Variants in C6orf132 observed in about 807,000 individuals in gnomAD.
C6orf132 encodes chromosome 6 open reading frame 132, also known as uncharacterized protein C6orf132.
In C6orf132, 43 loss-of-function variants were observed where a neutral mutation model predicts 65.3. That is an observed-to-expected ratio of 0.66 (90% CI 0.52 to 0.85). The LOEUF is 0.85. Among genes scored for constraint, C6orf132 ranks in the 40% least tolerant of loss-of-function variants. The pLI, the probability that C6orf132 is intolerant of heterozygous loss-of-function variation, is 0.00. For synonymous variants in C6orf132, 631 were observed against 654.1 expected (o/e 0.96, Z 0.54); for missense variants, 1,488 against 1,548.8 (o/e 0.96, Z 0.66).
At chr6:42,118,790 G>A (rs565622256) in intron 2 of C6orf132, among the ~76,000 whole-genome samples, 8 of 151,516 alleles carry the variant, frequency 5.3e-5, no homozygotes, top group Admixed American at 5.3e-4. Flanking sequence ...ACACCCAGAA[G>A]CTAAGACCAT....
intron 1 of C6orf132, among the ~76,000 whole-genome samples, chr6:42,129,928 C>T (rs1766825896): frequency 6.6e-6 from 1 of 152,214 alleles, no homozygotes; most frequent in African/African-American, 2.4e-5. Context: ...GCAAGAAAGC[C>T]AAATGATTTA....
chr6:42,128,659 GA>G lies in C6orf132; in HGVS notation c.252+12del, dbSNP rs1766804526. 6.5e-7 allele frequency: 1 copy of G among 1,547,332 alleles called. No individual in the cohort carries two copies. The highest frequency in any genetic ancestry group is 8.7e-7 in the Non-Finnish European group (1 of 1,143,948). On this transcript the variant is annotated intron_variant, in intron 2 of 4. Coordinates refer to ENST00000341865, the MANE Select transcript of C6orf132 (RefSeq NM_001164446.3). ...GAGCAGACTCTCCAACCTCAGAGCA[GA>G]ACCGTACTCACCAGCGGAAGGAAGG... is the stretch of plus-strand genomic sequence containing the variant.
In C6orf132 at chr6:42,106,358, C is replaced by T; in HGVS notation, c.1554G>A (p.Leu518=). Residue 518 remains leucine, a synonymous_variant, in exon 4 of 5, where the codon CTG becomes CTA. Transcript: ENST00000341865. ...RLPEKETLLS[L]PAKDTPPGVP... Reference sequence around the variant, plus strand: ...CACCTGGGGGAGTGTCCTTTGCTGGCAGGCTCAGGAGAGTCTCCTTCTCAG... The same window carrying T: ...CACCTGGGGGAGTGTCCTTTGCTGGTAGGCTCAGGAGAGTCTCCTTCTCAG... 6.5e-7 allele frequency: 1 copy of T among 1,536,482 alleles called. No individual in the cohort carries two copies. Among genetic ancestry groups the T allele is most frequent in the Non-Finnish European group, 8.7e-7 (1 of 1,146,818 alleles).
intron 1 of C6orf132, among the ~76,000 whole-genome samples, chr6:42,139,857 G>T (rs1283643695): frequency 6.6e-6 from 1 of 152,142 alleles, no homozygotes; most frequent in Admixed American, 6.5e-5. Context: ...CATAAATACC[G>T]CTTCAGGCAG....
intron 2 of C6orf132, among the ~76,000 whole-genome samples, chr6:42,121,559 C>T (rs1203151232): frequency 6.6e-6 from 1 of 152,238 alleles, no homozygotes; most frequent in Non-Finnish European, 1.5e-5. Context: ...GGGACACACA[C>T]ATCCTCATGC....
chr6:42,110,152 T>C, intron 3 of C6orf132, 64 bp downstream of exon 3: 1 of 1,360,088 alleles, frequency 7.4e-7, no homozygotes, highest in East Asian at 2.6e-5. Flanking sequence ...GATGCTTAGC[T>C]TTTGAACTCA....
intron 2 of C6orf132, among the ~76,000 whole-genome samples, chr6:42,116,848 G>A (rs1766587291): frequency 6.6e-6 from 1 of 152,004 alleles, no homozygotes; most frequent in East Asian, 1.9e-4. Context: ...GTCCTCAGTG[G>A]GGCACAAAAA....
In C6orf132 at chr6:42,104,410, G is replaced by GCCTGGCTTTCCACCCCT; in HGVS notation, c.3449+36_3449+52dup. The GCCTGGCTTTCCACCCCT allele has an allele frequency of 8.1e-7, 1 of 1,228,306 alleles. No individual in the cohort carries two copies. Among genetic ancestry groups the GCCTGGCTTTCCACCCCT allele is most frequent in the Non-Finnish European group, 1.0e-6 (1 of 985,970 alleles). 76.1% of individuals were successfully genotyped at this position (1,228,306 alleles called of 1,614,324 possible). A position where few individuals can be genotyped will look rare whatever the true frequency, so the allele number is the denominator to read the frequency against. ...GGATGGCCGGGACTCCTTGGCCCTC[G>GCCTGGCTTTCCACCCCT]CCTGGCTTTCCACCCCTCCTGGCTT... On this transcript the variant is annotated intron_variant, in intron 4 of 4. Coordinates refer to ENST00000341865, the MANE Select transcript of C6orf132 (RefSeq NM_001164446.3). This position sits in a 1 kb window ranked among gnomAD's most constrained non-coding sequence, Gnocchi z 4.1.
rs998835630 is a variant in C6orf132, at chr6:42,106,141, G to C, written c.1771C>G (p.Pro591Ala). 17 of 1,537,252 alleles carry C rather than the reference G, an allele frequency of 1.1e-5. No homozygotes were observed. The Admixed American group carries it at 2.0e-4, about 18-fold the overall frequency. ...EAKPSIGSLP[P>A]KPRLEGGRIC... ...CTTCCCCCTTCTAGCCGAGGCTTAG[G>C]GGGCAGAGATCCTATGCTGGGCTTA... The change falls in exon 4 of 5, where the codon CCT becomes GCT. Residue 591 changes from proline (P) to alanine (A), a missense_variant. Coordinates refer to ENST00000341865, the MANE Select transcript of C6orf132 (RefSeq NM_001164446.3).
intron 1 of C6orf132, among the ~76,000 whole-genome samples, chr6:42,134,211 C>T (rs1276869492): frequency 6.6e-6 from 1 of 152,178 alleles, no homozygotes; most frequent in Non-Finnish European, 1.5e-5. Context: ...GTTCCAGTTC[C>T]GGCTCCAACA....
Position 42,104,034 on chromosome 6 carries a change from A to AC in C6orf132, c.3450-157dup, listed in dbSNP as rs140047967. ...TATCGACCCCAGGGAGGGACCGCAG[A>AC]CATCACAAACAGGGCTCCCATTCTG... is the stretch of plus-strand genomic sequence containing the variant. On this transcript the variant is annotated intron_variant, in intron 4 of 4. Transcript: ENST00000341865. This position sits in a 1 kb window ranked among gnomAD's most constrained non-coding sequence, Gnocchi z 4.1. 0.016 allele frequency among the ~76,000 whole-genome samples: 2,386 copies of AC among 152,300 alleles called. 70 individuals carry two copies. Among genetic ancestry groups the AC allele is most frequent in the African/African-American group, 0.055 (2,276 of 41,560 alleles).
At chr6:42,128,059 G>A (rs1410888513) in intron 2 of C6orf132, among the ~76,000 whole-genome samples, 2 of 151,458 alleles carry the variant, frequency 1.3e-5, no homozygotes, top group Admixed American at 6.6e-5. Context: ...CGAGTAGCTG[G>A]GACTACAGGT....
At chr6:42,142,154 C>T in intron 1 of C6orf132, 146 bp downstream of exon 1, 2 of 895,428 alleles carry the variant, frequency 2.2e-6, no homozygotes, top group South Asian at 1.7e-5. Context: ...TGTGCGGTGC[C>T]TCCTCCCCTG....
intron 1 of C6orf132, among the ~76,000 whole-genome samples, chr6:42,131,298 G>T (rs948307116): frequency 7.9e-5 from 12 of 152,246 alleles, no homozygotes; most frequent in Non-Finnish European, 1.6e-4. Context: ...TGGGATTACA[G>T]GTGTGTACCA....
chr6:42,106,495 C>G lies in C6orf132; in HGVS notation c.1417G>C (p.Glu473Gln). The G allele has an allele frequency of 1.3e-6, 2 of 1,535,224 alleles. No homozygotes were observed. The highest frequency in any genetic ancestry group is 1.7e-6 in the Non-Finnish European group (2 of 1,146,254). The change falls in exon 4 of 5, where the codon GAG (glutamate) becomes CAG (glutamine). Residue 473 changes from glutamate (E) to glutamine (Q), a missense_variant. By Grantham distance (29) the Glu-to-Gln change is conservative (BLOSUM62 2). Transcript: ENST00000341865. ...GAGCCACAGAGATAGGCTGCCAGCTCGTTCCGCAGCTTTTCCATCTGGCTG... is the reference window on the plus strand; with the variant it reads ...GAGCCACAGAGATAGGCTGCCAGCTGGTTCCGCAGCTTTTCCATCTGGCTG... ...DPSQMEKLRNELAAYLCGSRR... is the reference protein window; with the variant it reads ...DPSQMEKLRNQLAAYLCGSRR...
In C6orf132 at chr6:42,106,985, T is replaced by G. The variant is rs953723593; in HGVS notation, c.927A>C (p.Pro309=). 2.6e-6 allele frequency: 4 copies of G among 1,529,166 alleles called. No individual in the cohort carries two copies. The Admixed American group carries it at 8.0e-5, about 30-fold the overall frequency. 94.7% of individuals were successfully genotyped at this position (1,529,166 alleles called of 1,614,324 possible). A position where few individuals can be genotyped will look rare whatever the true frequency, so the allele number is the denominator to read the frequency against. The stretch of plus-strand genomic sequence containing the variant: ...GAACTGGGATGGACGAAGTCCTGAC[T>G]GGGGTTGGGGGAGGCACTTTGAAAG... ...PRSFKVPPPT[P]VRTSSIPVQE... Residue 309 remains proline, a synonymous_variant, in exon 4 of 5, where the codon CCA becomes CCC. Coordinates refer to ENST00000341865, the MANE Select transcript of C6orf132 (RefSeq NM_001164446.3).
intron 2 of C6orf132, among the ~76,000 whole-genome samples, chr6:42,122,423 G>T (rs1766702941): frequency 6.6e-6 from 1 of 152,240 alleles, no homozygotes; most frequent in Admixed American, 6.5e-5. Flanking sequence ...TGGGGACAAA[G>T]AGGCGGCTGT....
chr6:42,135,257 C>T (rs899833200), intron 1 of C6orf132, among the ~76,000 whole-genome samples: 22 of 152,214 alleles, frequency 1.4e-4, no homozygotes, highest in Non-Finnish European at 2.9e-4. Flanking sequence ...TTTGCAGCAA[C>T]CCAGAGTGGG....
intron 2 of C6orf132, among the ~76,000 whole-genome samples, chr6:42,122,102 A>C (rs1562038239): frequency 6.6e-6 from 1 of 152,162 alleles, no homozygotes; most frequent in Non-Finnish European, 1.5e-5. Flanking sequence ...ACAGCCCCAC[A>C]CTGTGCCACA....
Sources: allele counts gnomAD v4.1 joint callset (sites outside exome capture counted in the v4.1 genomes callset), GRCh38; gene constraint gnomAD v4.1.1; non-coding constraint Gnocchi (gnomAD v3.1); transcripts MANE v1.5; gene names NCBI Gene and HGNC (gene_info 2026-07-23, HGNC 2026-07-21).